Variants in DST observed in about 807,000 individuals in gnomAD.
DST encodes bullous pemphigoid antigen.
In DST, 253 loss-of-function variants were observed where a neutral mutation model predicts 875.2. The ratio of observed to expected loss-of-function variants is 0.29; its 90% confidence interval spans 0.26 to 0.32. The LOEUF is 0.32. Among genes scored for constraint, DST ranks in the 10% least tolerant of loss-of-function variants. DST has a pLI of 1.00. For synonymous variants in DST, 3,124 were observed against 3,197.1 expected (o/e 0.98, Z 0.77); for missense variants, 8,287 against 9,111.6 (o/e 0.91, Z 3.68).
At chr6:56,859,016 C>T (rs1238046435) in intron 3 of DST, among the ~76,000 whole-genome samples, 11 of 152,138 alleles carry the variant, frequency 7.2e-5, no homozygotes, top group Admixed American at 7.2e-4. Flanking sequence ...GTCCTTGGCA[C>T]TAGGGGAACA....
chr6:56,640,509 G>A lies in DST; in HGVS notation c.2124C>T (p.Leu708=). The part of the protein sequence containing the change: ...GRILTTEQTK[L]MISGITQSLN... ...AACTTTGAGTGATTCCTGATATCAT[G>A]AGCTTTGTCTGTTCTGTTGTCAGTA... The change falls in exon 18 of 104, where the codon CTC becomes CTT. Residue 708 remains leucine (L), a synonymous_variant. Coordinates refer to ENST00000680361, the MANE Select transcript of DST (RefSeq NM_001374736.1). The A allele has an allele frequency of 6.2e-7, 1 of 1,614,154 alleles. No homozygotes were observed. The highest frequency in any genetic ancestry group is 2.2e-5 in the East Asian group (1 of 44,882).
intron 9 of DST, among the ~76,000 whole-genome samples, chr6:56,696,292 G>A (rs62412531): frequency 0.15 from 22,424 of 152,006 alleles, 2,134 homozygotes; most frequent in Non-Finnish European, 0.22. Flanking sequence ...CCTCCCAAGT[G>A]GTTGGAATTA....
At chr6:56,551,400 T>C (rs956443155) in intron 61 of DST, among the ~76,000 whole-genome samples, 14 of 152,220 alleles carry the variant, frequency 9.2e-5, no homozygotes, top group Non-Finnish European at 1.6e-4. Flanking sequence ...ATCAGCCCCA[T>C]ATAGAAAATT....
At chr6:56,746,636 G>A (rs761549733) in intron 4 of DST, among the ~76,000 whole-genome samples, 1 of 152,130 alleles carries the variant, frequency 6.6e-6, no homozygotes, top group Admixed American at 6.5e-5. Flanking sequence ...GAAGAGAGTG[G>A]AAGCTATAAG....
In DST at chr6:56,535,267, T is replaced by C; in HGVS notation, c.16796A>G (p.Gln5599Arg). ...CCTCCCACAGTGCAGCAAGGCCTCC[T>C]GCAGCTGGGCTGCTCGCTGAGCCAC... ...KKVAQRAAQL[Q>R]EALLHCGRFQ... is the part of the protein sequence containing the mutation. Residue 5599 changes from glutamine (Q) to arginine (R), a missense_variant, in exon 63 of 104, where the codon CAG (glutamine) becomes CGG (arginine). Around this residue, in one of 10 missense-constraint regions of DST, gnomAD observed 777 missense variants for 764.8 expected, o/e 1.02. Coordinates refer to ENST00000680361, the MANE Select transcript of DST (RefSeq NM_001374736.1). 1.3e-6 allele frequency: 2 copies of C among 1,598,170 alleles called. No homozygotes were observed. Among genetic ancestry groups the C allele is most frequent in the Non-Finnish European group, 1.7e-6 (2 of 1,175,098 alleles).
At position 56,704,367 on chromosome 6, in the gene DST, A is replaced by G; in HGVS notation, c.690T>C (p.Val230=). The change falls in exon 6 of 104, where the codon GTT becomes GTC. Residue 230 remains valine (V), a splice_region_variant and synonymous_variant. Transcript: ENST00000680361. ...CATAGAGATCATTCACATGTTTTCGAACCTATAAAGAGAAAAGCAAAATTT... is the reference window on the plus strand; with the variant it reads ...CATAGAGATCATTCACATGTTTTCGGACCTATAAAGAGAAAAGCAAAATTT... The part of the protein sequence containing the change: ...TKWINQHLMK[V]RKHVNDLYED... 6.5e-7 allele frequency: 1 copy of G among 1,543,914 alleles called. No individual in the cohort carries two copies. Among genetic ancestry groups the G allele is most frequent in the East Asian group, 2.3e-5 (1 of 42,730 alleles).
At chr6:56,776,450 A>T (rs547943528) in intron 4 of DST, among the ~76,000 whole-genome samples, 3 of 152,358 alleles carry the variant, frequency 2.0e-5, no homozygotes, top group Admixed American at 6.5e-5. Context: ...GTGTTGGTCC[A>T]TTAGTTATGA....
intron 5 of DST, among the ~76,000 whole-genome samples, chr6:56,722,362 A>ATGTT (rs34299400): frequency 0.012 from 1,708 of 146,478 alleles, 14 homozygotes; most frequent in Non-Finnish European, 0.019. Flanking sequence ...AAAGTAGTAC[A>ATGTT]TGTTTGTTTA....
chr6:56,935,746 T>C (rs1322211888), intron 2 of DST, among the ~76,000 whole-genome samples: 2 of 151,884 alleles, frequency 1.3e-5, no homozygotes, highest in Non-Finnish European at 2.9e-5. Context: ...GCCAACATGG[T>C]GAAAACCCGT....
At chr6:56,954,368 TC>T in intron 1 of DST, 38 bp downstream of exon 1, 1 of 1,338,696 alleles carries the variant, frequency 7.5e-7, no homozygotes, top group Non-Finnish European at 9.9e-7. Flanking sequence ...GCTTAATTGT[TC>T]CTGGTAGCCC....
Position 56,604,423 on chromosome 6 carries a change from G to A in DST, c.10205C>T (p.Ala3402Val), listed in dbSNP as rs1309531270. The part of the protein sequence containing the change: ...RITTSQLVNE[A>V]STVPSDSQMS... ...TTGAGAGTCGCTGGGCACAGTAGAT[G>A]CCTCATTTACCAACTGTGATGTGGT... Residue 3402 changes from alanine (A) to valine (V), a missense_variant, in exon 40 of 104, where the codon GCA (alanine) becomes GTA (valine). Ala to Val is a moderately conservative substitution (Grantham distance 64). Transcript: ENST00000680361. The A allele has an allele frequency of 6.2e-7, 1 of 1,609,700 alleles. No homozygotes were observed. The highest frequency in any genetic ancestry group is 1.1e-5 in the South Asian group (1 of 90,736).
At chr6:56,794,852 G>T (rs571880255) in intron 4 of DST, among the ~76,000 whole-genome samples, 2 of 152,126 alleles carry the variant, frequency 1.3e-5, no homozygotes, top group African/African-American at 2.4e-5. Flanking sequence ...ACTCTCTAAG[G>T]AATATGACCA....
intron 4 of DST, among the ~76,000 whole-genome samples, chr6:56,761,695 G>C (rs992516660): frequency 6.6e-6 from 1 of 151,284 alleles, no homozygotes. Flanking sequence ...CCCCAGGTTA[G>C]GAACCTATTA....
At chr6:56,577,989 G>C (rs1481295575) in intron 50 of DST, among the ~76,000 whole-genome samples, 2 of 142,710 alleles carry the variant, frequency 1.4e-5, no homozygotes, top group African/African-American at 3.0e-5. Context: ...CACCCGGCCT[G>C]AGAGATGTGC....
chr6:56,953,527 G>A (rs574522289), intron 2 of DST, among the ~76,000 whole-genome samples: 1 of 152,322 alleles, frequency 6.6e-6, no homozygotes, highest in Admixed American at 6.5e-5. Context: ...CTGTGGCTAA[G>A]TTTTTTAAGG....
At chr6:56,495,143 T>C (rs1318654055) in intron 82 of DST, among the ~76,000 whole-genome samples, 6 of 151,930 alleles carry the variant, frequency 3.9e-5, no homozygotes, top group Non-Finnish European at 8.8e-5. Context: ...ATTTACAATA[T>C]CATCTACTAA....
chr6:56,881,572 T>G (rs1433694581), intron 3 of DST, among the ~76,000 whole-genome samples: 1 of 152,206 alleles, frequency 6.6e-6, no homozygotes, highest in Non-Finnish European at 1.5e-5. Flanking sequence ...TCCAACTGAC[T>G]GATCTTCCCA....
chr6:56,867,827 G>A (rs1407559268), intron 3 of DST, among the ~76,000 whole-genome samples: 3 of 149,848 alleles, frequency 2.0e-5, no homozygotes, highest in East Asian at 2.0e-4. Context: ...GCGAGACTCC[G>A]TCTCAAAAAA....
At position 56,642,489 on chromosome 6, in the gene DST, T is replaced by C; in HGVS notation, c.1793A>G (p.Gln598Arg). ...CCTCTGAACTCTGTTGGCAATCTGT[T>C]GCAACATTTCTAACCTAAAAGATGA... The part of the protein sequence containing the change: ...RPEVERLEML[Q>R]QIANRVQRDS... The change falls in exon 16 of 104, where the codon CAA becomes CGA. Residue 598 changes from glutamine to arginine, a missense_variant. Gln to Arg is a conservative substitution (Grantham distance 43). Around this residue, in one of 10 missense-constraint regions of DST, gnomAD observed 1,160 missense variants for 1,424.3 expected, o/e 0.81. Coordinates refer to ENST00000680361, the MANE Select transcript of DST (RefSeq NM_001374736.1). 6.2e-7 allele frequency: 1 copy of C among 1,613,366 alleles called. No individual in the cohort carries two copies.
Sources: allele counts gnomAD v4.1 joint callset (sites outside exome capture counted in the v4.1 genomes callset), GRCh38; gene constraint gnomAD v4.1.1; regional missense constraint gnomAD v4.1.1; transcripts MANE v1.5; gene names NCBI Gene and HGNC (gene_info 2026-07-23, HGNC 2026-07-21).